Variants in DMD observed in about 807,000 individuals in gnomAD.
DMD encodes dystrophin.
DMD carries 63 observed loss-of-function variants against 330.1 expected under a neutral mutation model. The ratio of observed to expected loss-of-function variants is 0.19; its 90% CI spans 0.16 to 0.24. The LOEUF is 0.24. DMD is among the 10% of genes least tolerant of loss of function. The pLI, the probability that DMD is intolerant of heterozygous loss-of-function variation, is 1.00. For missense variants in DMD, 3,344 were observed against 2,684.1 expected, an observed-to-expected ratio of 1.25 and a Z score of -5.43; for synonymous variants, 1,223 against 959.8, an observed-to-expected ratio of 1.27 and a Z score of -5.07.
chrX:31,997,173 T>C (rs754641187), intron 44 of DMD, among the ~76,000 whole-genome samples: 6 of 111,873 alleles, frequency 5.4e-5, no homozygotes, highest in Admixed American at 9.5e-5. Context: ...CTGCATCTTA[T>C]GTGAATCTTC....
intron 55 of DMD, among the ~76,000 whole-genome samples, chrX:31,571,293 G>A (rs1157709776): frequency 9.4e-6 from 1 of 106,408 alleles, no homozygotes; most frequent in Non-Finnish European, 1.9e-5. Flanking sequence ...GTGTGTGTGT[G>A]TATAGAAAAC....
In DMD at chrX:32,749,139, G is replaced by A. The variant is rs5972656; in HGVS notation, c.650-49846C>T. 1.2e-3 allele frequency among the ~76,000 whole-genome samples: 134 copies of A among 112,114 alleles called. 1 individual carries two copies. The highest frequency in any genetic ancestry group is 4.1e-3 in the African/African-American group (126 of 30,902). On this transcript the variant is annotated intron_variant, in intron 7 of 78. Transcript: ENST00000357033. ...AAATTTACTAGACTGATTAGTAAAT[G>A]TAAGCCAAAATCTAAGGTGTGATTG...
chrX:31,952,510 T>C (rs746659927), intron 45 of DMD, among the ~76,000 whole-genome samples: 1 of 111,337 alleles, frequency 9.0e-6, no homozygotes, highest in Admixed American at 9.6e-5. Context: ...TTTTTAAATT[T>C]TGGTTATTCT....
At chrX:32,313,632 G>C (rs2097572439) in intron 41 of DMD, among the ~76,000 whole-genome samples, 1 of 111,570 alleles carries the variant, frequency 9.0e-6, no homozygotes, top group Admixed American at 9.6e-5. Context: ...CAGATGACAT[G>C]ATTGTATATT....
rs541957947 is a variant in DMD at position 33,029,960 on chromosome X, C to T, written c.32-9760G>A. 1.8e-4 allele frequency among the ~76,000 whole-genome samples: 20 copies of T among 111,435 alleles called. No individual in the cohort carries two copies. In the South Asian group the frequency reaches 7.3e-3, roughly 41 times the overall value. ...ATGCAGGCCGGGGTTACATCATACA[C>T]TCATTTCAGAGTCAAATAACCTGAG... On this transcript the variant is annotated intron_variant, in intron 1 of 78. Transcript: ENST00000357033.
intron 18 of DMD, among the ~76,000 whole-genome samples, chrX:32,508,950 A>G (rs1162377235): frequency 2.7e-5 from 3 of 109,886 alleles, no homozygotes; most frequent in African/African-American, 9.9e-5. Context: ...AGCTGGGACT[A>G]CAGGCGCCCG....
intron 47 of DMD, among the ~76,000 whole-genome samples, chrX:31,899,689 A>G (rs2094396522): frequency 1.8e-5 from 2 of 110,847 alleles, no homozygotes; most frequent in Admixed American, 9.7e-5. Flanking sequence ...TTTCTTAACC[A>G]TAACAGTCTT....
chrX:31,844,299 A>ATTTTTTTT (rs35743535), intron 48 of DMD, among the ~76,000 whole-genome samples: 1 of 97,131 alleles, frequency 1.0e-5, no homozygotes, highest in Non-Finnish European at 2.1e-5. Context: ...TCCTTTCCCC[A>ATTTTTTTT]TTTTTTTTTT....
At chrX:32,814,789 T>C (rs765039498) in intron 6 of DMD, among the ~76,000 whole-genome samples, 14 of 111,410 alleles carry the variant, frequency 1.3e-4, no homozygotes, top group Non-Finnish European at 2.1e-4. Context: ...TTAACAAATA[T>C]AGAGTGGGAA....
chrX:32,487,810 C>T (rs1452081552), intron 20 of DMD, among the ~76,000 whole-genome samples: 2 of 111,805 alleles, frequency 1.8e-5, no homozygotes, highest in African/African-American at 6.5e-5. Context: ...CTATATTTCT[C>T]TTTCAAATAT....
intron 45 of DMD, among the ~76,000 whole-genome samples, chrX:31,954,448 G>A (rs929658652): frequency 4.5e-5 from 5 of 110,923 alleles, no homozygotes; most frequent in African/African-American, 6.6e-5. Flanking sequence ...TTACACAATC[G>A]TCATTTTTCC....
intron 18 of DMD, among the ~76,000 whole-genome samples, chrX:32,505,416 T>G (rs1162572529): frequency 8.9e-6 from 1 of 111,931 alleles, no homozygotes. Flanking sequence ...TGAAAATATG[T>G]TTCACATCAT....
At chrX:32,338,232 C>T (rs1319251104) in intron 41 of DMD, among the ~76,000 whole-genome samples, 1 of 111,504 alleles carries the variant, frequency 9.0e-6, no homozygotes, top group East Asian at 2.8e-4. Context: ...ATTACTGATG[C>T]TCTGAGTTTC....
intron 17 of DMD, among the ~76,000 whole-genome samples, chrX:32,540,488 A>G (rs1340053433): frequency 8.9e-6 from 1 of 111,775 alleles, no homozygotes; most frequent in Non-Finnish European, 1.9e-5. Context: ...GGAATTATTA[A>G]AGATCATCAG....
intron 7 of DMD, among the ~76,000 whole-genome samples, chrX:32,760,346 C>A (rs1463377919): frequency 8.9e-6 from 1 of 112,023 alleles, no homozygotes; most frequent in East Asian, 2.8e-4. Flanking sequence ...GTTAGTACCT[C>A]ATGATAAATG....
intron 52 of DMD, among the ~76,000 whole-genome samples, chrX:31,685,827 T>C (rs1162089972): frequency 8.9e-6 from 1 of 112,632 alleles, no homozygotes; most frequent in Non-Finnish European, 1.9e-5. Flanking sequence ...CCCTGGTTCC[T>C]TGCCTTTACC....
At chrX:31,169,085 A>T (rs2039718096) in intron 74 of DMD, among the ~76,000 whole-genome samples, 1 of 111,932 alleles carries the variant, frequency 8.9e-6, no homozygotes, top group African/African-American at 3.2e-5. Flanking sequence ...TAATATGGCC[A>T]AACACATGTA....
At chrX:31,203,926 G>A in intron 67 of DMD, 35 bp downstream of exon 67, 2 of 1,166,631 alleles carry the variant, frequency 1.7e-6, no homozygotes, top group East Asian at 3.0e-5. Flanking sequence ...AAATATGAAA[G>A]AATAAATATG....
chrX:31,382,026 G>C (rs757469828), intron 60 of DMD, among the ~76,000 whole-genome samples: 17 of 111,461 alleles, frequency 1.5e-4, no homozygotes, highest in Admixed American at 7.7e-4. Context: ...CTTTCCCACA[G>C]GGAAACATAA....
Sources: allele counts gnomAD v4.1 joint callset (sites outside exome capture counted in the v4.1 genomes callset), GRCh38; gene constraint gnomAD v4.1.1; transcripts MANE v1.5; gene names NCBI Gene and HGNC (gene_info 2026-07-23, HGNC 2026-07-21).